PDE2A: variants seen among roughly 807,000 people sequenced by gnomAD.
PDE2A encodes cGMP-dependent 3',5'-cyclic phosphodiesterase.
PDE2A carries 53 observed loss-of-function variants against 133.6 expected under a neutral mutation model. That is an observed-to-expected ratio of 0.40 (90% CI 0.32 to 0.50). The LOEUF is 0.50. Among genes scored for constraint, PDE2A ranks in the 20% least tolerant of loss-of-function variants. The pLI, the probability that PDE2A is intolerant of heterozygous loss-of-function variation, is 0.73. For synonymous variants in PDE2A, 491 were observed against 490.2 expected (o/e 1.00, Z -0.02); for missense variants, 796 against 1,232.4 (o/e 0.65, Z 5.30).
At position 72,641,907 on chromosome 11, in the gene PDE2A, T is replaced by C. The variant is rs553802125; in HGVS notation, c.144+347A>G. Among the ~76,000 whole-genome samples, 320 of 152,138 alleles carry C rather than the reference T, an allele frequency of 2.1e-3. 2 individuals are homozygous for C. The highest frequency in any genetic ancestry group is 7.4e-3 in the African/African-American group (307 of 41,498). ...CCAGGTGTGCCGGGAGCCCCACATA[T>C]ATGGTGAAGGTTCCGAGGCGTGGGC... On this transcript the variant is annotated intron_variant, in intron 2 of 30. Transcript: ENST00000334456.
intron 2 of PDE2A, among the ~76,000 whole-genome samples, chr11:72,610,307 C>T (rs1207616689): frequency 1.3e-5 from 2 of 152,144 alleles, no homozygotes; most frequent in Admixed American, 1.3e-4. Context: ...CAGGTAGGGC[C>T]ATGCTACAAA....
intron 1 of PDE2A, among the ~76,000 whole-genome samples, chr11:72,653,513 G>A (rs1854805298): frequency 6.6e-6 from 1 of 152,198 alleles, no homozygotes; most frequent in Non-Finnish European, 1.5e-5. Flanking sequence ...AGGGAGTGAG[G>A]CAGAGTCGCA....
intron 1 of PDE2A, among the ~76,000 whole-genome samples, chr11:72,663,397 A>G (rs1855131293): frequency 6.6e-6 from 1 of 152,222 alleles, no homozygotes; most frequent in Non-Finnish European, 1.5e-5. Context: ...GATAATGCGC[A>G]TATGAGTCCA....
chr11:72,578,193 C>A lies in PDE2A; in HGVS notation c.2615+40G>T. On this transcript the variant is annotated intron_variant, in intron 30 of 30. Transcript: ENST00000334456. The surrounding 1 kb of genome is among the most constrained non-coding windows in gnomAD (Gnocchi z 4.2). ...TGATGTCCCCACTCCAGCCTACCCT[C>A]TCTGTGCAGGGTGCAGCTTGTCCCC... The A allele has an allele frequency of 7.7e-7, 1 of 1,294,110 alleles. No homozygotes were observed. The highest frequency in any genetic ancestry group is 1.1e-6 in the Non-Finnish European group (1 of 887,834). 80.2% of individuals were successfully genotyped at this position (1,294,110 alleles called of 1,614,324 possible). A position where few individuals can be genotyped will look rare whatever the true frequency, so the allele number is the denominator to read the frequency against.
intron 2 of PDE2A, chr11:72,614,994 AC>A (rs1857392343): frequency 9.2e-6 from 3 of 327,684 alleles, no homozygotes; most frequent in Admixed American, 3.0e-5. Flanking sequence ...TCCTCTACTT[AC>A]CCCCTCCCGC....
At position 72,577,701 on chromosome 11, in the gene PDE2A, G is replaced by A. The variant is rs1415013667; in HGVS notation, c.2616-107C>T. 1.7e-5 allele frequency: 13 copies of A among 767,208 alleles called. 1 individual carries two copies. Among genetic ancestry groups the A allele is most frequent in the South Asian group, 4.6e-5 (3 of 64,756 alleles). The allele number at this position is 767,208 out of a possible 1,614,324, so 47.5% of individuals were successfully genotyped here. On this transcript the variant is annotated intron_variant, in intron 30 of 30. Transcript: ENST00000334456. Reference sequence around the variant, plus strand: ...TAGAACTTCCACAAGGGCCAGGTACGGTAGCTCACGCCTGTAATCCCAACA... The same window carrying A: ...TAGAACTTCCACAAGGGCCAGGTACAGTAGCTCACGCCTGTAATCCCAACA...
At chr11:72,581,816 C>A in intron 22 of PDE2A, 61 bp downstream of exon 22, 3 of 1,464,456 alleles carry the variant, frequency 2.0e-6, no homozygotes, top group Non-Finnish European at 2.9e-6. Flanking sequence ...CCGGGGGCAA[C>A]GGATGTGACA....
intron 2 of PDE2A, among the ~76,000 whole-genome samples, chr11:72,629,103 C>T (rs1274018011): frequency 6.6e-6 from 1 of 152,236 alleles, no homozygotes; most frequent in Non-Finnish European, 1.5e-5. Context: ...CTCATGGCTC[C>T]AGATCCTCGG....
In PDE2A at chr11:72,586,013, C is replaced by T. The variant is rs1565151981; in HGVS notation, c.1182+57G>A. On this transcript the variant is annotated intron_variant, in intron 14 of 30. Coordinates refer to ENST00000334456, the MANE Select transcript of PDE2A (RefSeq NM_002599.5). ...GGGCATTTCCCTTCTGAATGGCTCT[C>T]GGGGCTGAAAACTGAGCGAGTCGGT... 20 of 1,026,538 alleles carry T rather than the reference C, an allele frequency of 1.9e-5. No homozygotes were observed. The South Asian group carries it at 2.6e-4, about 13-fold the overall frequency. 63.6% of individuals were successfully genotyped at this position (1,026,538 alleles called of 1,614,324 possible).
Position 72,597,364 on chromosome 11 carries a change from T to C in PDE2A, c.433+146A>G. 1.7e-6 allele frequency: 1 copy of C among 590,380 alleles called. No homozygotes were observed. The highest frequency in any genetic ancestry group is 3.0e-6 in the Non-Finnish European group (1 of 330,614). The allele number at this position is 590,380 out of a possible 1,614,324, so 36.6% of individuals were successfully genotyped here. A position where few individuals can be genotyped will look rare whatever the true frequency, so the allele number is the denominator to read the frequency against. ...TTTAGTAGTACAATAGAGAGAGAAT[T>C]AGATGGAGGGACTGCTAGAGACACA... On this transcript the variant is annotated intron_variant, in intron 5 of 30. Coordinates refer to ENST00000334456, the MANE Select transcript of PDE2A (RefSeq NM_002599.5). This position sits in a 1 kb window ranked among gnomAD's most constrained non-coding sequence, Gnocchi z 4.6.
At position 72,597,367 on chromosome 11, in the gene PDE2A, A is replaced by C. The variant is rs1166854539; in HGVS notation, c.433+143T>G. On this transcript the variant is annotated intron_variant, in intron 5 of 30. Coordinates refer to ENST00000334456, the MANE Select transcript of PDE2A (RefSeq NM_002599.5). The surrounding 1 kb of genome is among the most constrained non-coding windows in gnomAD (Gnocchi z 4.6). ...AGTAGTACAATAGAGAGAGAATTAG[A>C]TGGAGGGACTGCTAGAGACACAGAG... 1.7e-6 allele frequency: 1 copy of C among 594,526 alleles called. No homozygotes were observed. Among genetic ancestry groups the C allele is most frequent in the African/African-American group, 1.9e-5 (1 of 53,798 alleles). The allele number at this position is 594,526 out of a possible 1,614,324, so 36.8% of individuals were successfully genotyped here. A position where few individuals can be genotyped will look rare whatever the true frequency, so the allele number is the denominator to read the frequency against.
At chr11:72,598,489 C>T in intron 4 of PDE2A, 4 of 1,287,910 alleles carry the variant, frequency 3.1e-6, no homozygotes, top group South Asian at 2.5e-5. Flanking sequence ...GCCTCTGGCT[C>T]ATCCCGCTTA....
intron 23 of PDE2A, 52 bp downstream of exon 23, chr11:72,581,305 C>T: frequency 2.1e-6 from 3 of 1,437,386 alleles, no homozygotes; most frequent in South Asian, 2.4e-5. Context: ...TTCCCTGTCC[C>T]AGGGAGGGGA....
chr11:72,597,750 G>T lies in PDE2A; in HGVS notation c.324-131C>A. The T allele has an allele frequency of 1.6e-6, 1 of 616,804 alleles. No individual in the cohort carries two copies. Among genetic ancestry groups the T allele is most frequent in the Non-Finnish European group, 2.9e-6 (1 of 347,162 alleles). The allele number at this position is 616,804 out of a possible 1,614,324, so 38.2% of individuals were successfully genotyped here. On this transcript the variant is annotated intron_variant, in intron 4 of 30. Transcript: ENST00000334456. The surrounding 1 kb of genome is among the most constrained non-coding windows in gnomAD (Gnocchi z 4.6). ...TGGGCAAGCTGACCTGCCTCAGGTT[G>T]GACACGATGACAGCACAAGTAAAAA...
intron 2 of PDE2A, among the ~76,000 whole-genome samples, chr11:72,619,493 C>T (rs1232350355): frequency 1.3e-5 from 2 of 152,166 alleles, no homozygotes; most frequent in African/African-American, 4.8e-5. Context: ...GAATCTGTAA[C>T]CCACATGGGT....
chr11:72,657,012 C>T (rs1196199988), intron 1 of PDE2A, among the ~76,000 whole-genome samples: 2 of 152,204 alleles, frequency 1.3e-5, no homozygotes, highest in Non-Finnish European at 2.9e-5. Flanking sequence ...GCATCTCACA[C>T]TTAGGCCACT....
Position 72,631,030 on chromosome 11 carries a change from G to A in PDE2A, c.144+11224C>T, listed in dbSNP as rs534669820. The A allele has an allele frequency of 4.4e-5, 62 of 1,409,836 alleles. No individual in the cohort carries two copies. In the African/African-American group the frequency reaches 7.4e-4, roughly 17 times the overall value. The allele number at this position is 1,409,836 out of a possible 1,614,324, so 87.3% of individuals were successfully genotyped here. A position where few individuals can be genotyped will look rare whatever the true frequency, so the allele number is the denominator to read the frequency against. On this transcript the variant is annotated intron_variant, in intron 2 of 30. Coordinates refer to ENST00000334456, the MANE Select transcript of PDE2A (RefSeq NM_002599.5). ...CCACTCAGACTGATCTTCAGTCTGC[G>A]CCCCACCCCCTCAAGCCCACCCACT...
intron 24 of PDE2A, 80 bp downstream of exon 24, chr11:72,580,806 A>G: frequency 9.7e-7 from 1 of 1,033,004 alleles, no homozygotes; most frequent in Non-Finnish European, 1.5e-6. Context: ...ACTCGCTCCC[A>G]CCCATCTTCA....
intron 4 of PDE2A, among the ~76,000 whole-genome samples, chr11:72,600,520 C>T (rs950412904): frequency 1.3e-5 from 2 of 152,164 alleles, no homozygotes; most frequent in Non-Finnish European, 2.9e-5. Flanking sequence ...CATAGCCCTC[C>T]CAGAACTGCT....
Sources: gnomAD v4.1 joint callset for allele counts (sites outside exome capture counted in the v4.1 genomes callset) on GRCh38, gnomAD v4.1.1 for gene constraint, Gnocchi (gnomAD v3.1) non-coding constraint, MANE v1.5 for transcripts, NCBI Gene and HGNC (gene_info 2026-07-23, HGNC 2026-07-21) for gene names.